The following LARGE1 variants were observed in gnomAD, a reference collection of about 807,000 sequenced individuals.
LARGE1 encodes LARGE xylosyl- and glucuronyltransferase 1.
LARGE1 carries 43 observed loss-of-function variants against 87.6 expected under a neutral mutation model. The ratio of observed to expected loss-of-function variants is 0.49; its 90% CI spans 0.38 to 0.63. The LOEUF (loss-of-function observed/expected upper bound fraction) is 0.63. LARGE1 is among the 30% of genes least tolerant of loss of function. LARGE1 has a pLI of 0.00. For synonymous variants in LARGE1, 434 were observed against 394.6 expected, an observed-to-expected ratio of 1.10 and a Z score of -1.18; for missense variants, 802 against 1,000.2, an observed-to-expected ratio of 0.80 and a Z score of 2.67.
At chr22:33,493,173 T>TTG in intron 6 of LARGE1, among the ~76,000 whole-genome samples, 1 of 148,378 alleles carries the variant, frequency 6.7e-6, no homozygotes, top group East Asian at 2.0e-4. Flanking sequence ...TTTTTTTTTT[T>TTG]TTTTTGAGAC....
At chr22:33,799,613 A>G (rs1187674392) in intron 1 of LARGE1, among the ~76,000 whole-genome samples, 1 of 151,996 alleles carries the variant, frequency 6.6e-6, no homozygotes, top group Non-Finnish European at 1.5e-5. Flanking sequence ...GCTAATTTTA[A>G]GTAGAGACGG....
intron 6 of LARGE1, among the ~76,000 whole-genome samples, chr22:33,545,234 C>T (rs574471180): frequency 7.9e-5 from 12 of 151,558 alleles, no homozygotes; most frequent in Non-Finnish European, 1.6e-4. Context: ...TTGTACTACA[C>T]CTGACCAGAA....
chr22:33,739,575 G>A (rs775665442), intron 2 of LARGE1, among the ~76,000 whole-genome samples: 6 of 152,318 alleles, frequency 3.9e-5, no homozygotes, highest in African/African-American at 9.6e-5. Flanking sequence ...ATAACAGCCT[G>A]TGAAGCTCTG....
chr22:33,658,190 T>G (rs1487998626), intron 2 of LARGE1, among the ~76,000 whole-genome samples: 1 of 152,166 alleles, frequency 6.6e-6, no homozygotes, highest in Non-Finnish European at 1.5e-5. Context: ...ATTAAAAAAC[T>G]TAGGAAACAA....
In LARGE1 at chr22:33,466,655, A is replaced by G. The variant is rs145022095; in HGVS notation, c.788-34390T>C. ...ACTTCTGTTGTAGAAAGGGCAGCAG[A>G]TAATGAGCCCTGGCCTCATTCACCC... On this transcript the variant is annotated intron_variant, in intron 6 of 14. Coordinates refer to ENST00000397394, the MANE Select transcript of LARGE1 (RefSeq NM_133642.5). Among the ~76,000 whole-genome samples, 5 of 151,636 alleles carry G rather than the reference A, an allele frequency of 3.3e-5. No homozygotes were observed. In the East Asian group the frequency reaches 9.8e-4, roughly 30 times the overall value.
chr22:33,914,667 G>A (rs1186005591), intron 1 of LARGE1, among the ~76,000 whole-genome samples: 12 of 152,114 alleles, frequency 7.9e-5, no homozygotes, highest in Non-Finnish European at 1.5e-4. Context: ...TATATTTCAA[G>A]GAAGAGTGCA....
intron 1 of LARGE1, among the ~76,000 whole-genome samples, chr22:33,850,860 C>T (rs2063564178): frequency 6.6e-6 from 1 of 152,038 alleles, no homozygotes; most frequent in South Asian, 2.1e-4. Flanking sequence ...ATGCCCCTCC[C>T]ACCACACTCC....
intron 2 of LARGE1, chr22:33,750,890 T>C (rs1311894259): frequency 6.6e-6 from 1 of 152,190 alleles, no homozygotes; most frequent in Non-Finnish European, 1.5e-5. Flanking sequence ...AAAGCCAATG[T>C]CATTACATAG....
chr22:33,413,109 T>A (rs947509899), intron 7 of LARGE1, among the ~76,000 whole-genome samples: 4 of 152,186 alleles, frequency 2.6e-5, no homozygotes, highest in Admixed American at 6.5e-5. Flanking sequence ...AATGTGAATA[T>A]GAGTTGTCAA....
At chr22:33,173,995 T>C (rs886656667) in intron 11 of LARGE1, among the ~76,000 whole-genome samples, 2 of 152,290 alleles carry the variant, frequency 1.3e-5, no homozygotes, top group Admixed American at 6.5e-5. Context: ...CTGGACCTAA[T>C]AGACATCTAG....
intron 9 of LARGE1, among the ~76,000 whole-genome samples, chr22:33,379,948 A>G (rs933545458): frequency 6.6e-6 from 1 of 152,174 alleles, no homozygotes; most frequent in Non-Finnish European, 1.5e-5. Context: ...GACAAAGACT[A>G]AATAGATTTC....
chr22:33,720,251 T>C (rs1267600893), intron 2 of LARGE1, among the ~76,000 whole-genome samples: 1 of 152,148 alleles, frequency 6.6e-6, no homozygotes, highest in Non-Finnish European at 1.5e-5. Context: ...AGGAGCCCTC[T>C]TGTGCTCAGT....
chr22:33,894,083 T>G (rs901347724), intron 1 of LARGE1, among the ~76,000 whole-genome samples: 1 of 152,004 alleles, frequency 6.6e-6, no homozygotes, highest in African/African-American at 2.4e-5. Context: ...ATCTAGAGGC[T>G]GACCCTATGA....
At chr22:33,210,562 C>A (rs1231247572) in intron 11 of LARGE1, among the ~76,000 whole-genome samples, 1 of 152,230 alleles carries the variant, frequency 6.6e-6, no homozygotes, top group East Asian at 1.9e-4. Context: ...GTTTTGCCTA[C>A]CCCGCCACCA....
intron 6 of LARGE1, among the ~76,000 whole-genome samples, chr22:33,511,365 G>C (rs978079700): frequency 3.9e-5 from 6 of 152,142 alleles, no homozygotes; most frequent in Admixed American, 2.0e-4. Context: ...CAGACAACAA[G>C]GGTGATATTT....
chr22:33,431,602 G>A (rs1234275586), intron 7 of LARGE1, among the ~76,000 whole-genome samples: 1 of 152,116 alleles, frequency 6.6e-6, no homozygotes, highest in African/African-American at 2.4e-5. Flanking sequence ...AGGGAGGCAT[G>A]GCCACACAAC....
intron 2 of LARGE1, among the ~76,000 whole-genome samples, chr22:33,652,959 G>A (rs2267247): frequency 0.054 from 8,189 of 152,258 alleles, 321 homozygotes; most frequent in East Asian, 0.17. Flanking sequence ...GGTAGGGGAC[G>A]TGAAATCACA....
intron 1 of LARGE1, among the ~76,000 whole-genome samples, chr22:33,779,931 C>G (rs2085366041): frequency 7.6e-6 from 1 of 131,316 alleles, no homozygotes; most frequent in African/African-American, 2.5e-5. Flanking sequence ...GCTGCTATAA[C>G]AACAGTGCTA....
At chr22:33,685,029 C>T (rs181908446) in intron 2 of LARGE1, among the ~76,000 whole-genome samples, 1 of 152,282 alleles carries the variant, frequency 6.6e-6, no homozygotes, top group East Asian at 1.9e-4. Context: ...GCTCCTCACA[C>T]CAGAGATTTC....
Sources: allele counts gnomAD v4.1 joint callset (sites outside exome capture counted in the v4.1 genomes callset), GRCh38; gene constraint gnomAD v4.1.1; transcripts MANE v1.5; gene names NCBI Gene and HGNC (gene_info 2026-07-23, HGNC 2026-07-21).